The following DENND3 variants were observed in gnomAD, a reference collection of about 807,000 sequenced individuals.
DENND3 encodes DENN domain containing 3, also known as DENN domain-containing protein 3.
DENND3 carries 88 observed loss-of-function variants against 135.1 expected under a neutral mutation model. The observed-to-expected ratio is 0.65, with a 90% CI of 0.55 to 0.78. The LOEUF (loss-of-function observed/expected upper bound fraction) is 0.78, where lower values mean the gene tolerates loss of function less well. DENND3 is among the 30% of genes least tolerant of loss of function. The pLI is 0.00. For missense variants in DENND3, 1,392 were observed against 1,688.4 expected, an observed-to-expected ratio of 0.82 and a Z score of 3.08; for synonymous variants, 693 against 712.3, an observed-to-expected ratio of 0.97 and a Z score of 0.43.
In DENND3 at chr8:141,136,614, G is replaced by C; in HGVS notation, c.208G>C (p.Gly70Arg). ...CAGTAAAGAGGACAGTCAAATGGCCGGTGCCAACTGCGGCACTCTCGGTAA... is the reference window on the plus strand; with the variant it reads ...CAGTAAAGAGGACAGTCAAATGGCCCGTGCCAACTGCGGCACTCTCGGTAA... ...FISKEDSQMA[G>R]ANCGTLGKTR... Residue 70 changes from glycine (G) to arginine (R), a missense_variant, in exon 2 of 23, where the codon GGT becomes CGT. Transcript: ENST00000519811. 4 of 1,605,890 alleles carry C rather than the reference G, an allele frequency of 2.5e-6. No homozygotes were observed. Among genetic ancestry groups the C allele is most frequent in the Non-Finnish European group, 3.4e-6 (4 of 1,176,548 alleles).
intron 1 of DENND3, among the ~76,000 whole-genome samples, chr8:141,135,394 C>T (rs1816678689): frequency 6.6e-6 from 1 of 151,252 alleles, no homozygotes; most frequent in Non-Finnish European, 1.5e-5. Flanking sequence ...TCAAGCAGTC[C>T]TCCCGCTTTG....
chr8:141,162,758 A>G (rs1387327001), intron 9 of DENND3, among the ~76,000 whole-genome samples: 16 of 152,218 alleles, frequency 1.1e-4, no homozygotes, highest in Admixed American at 1.0e-3. Flanking sequence ...TACTAAAAAT[A>G]TAAAAATTAG....
intron 1 of DENND3, among the ~76,000 whole-genome samples, chr8:141,131,183 C>G (rs2154612626): frequency 6.6e-6 from 1 of 152,162 alleles, no homozygotes; most frequent in East Asian, 1.9e-4. Context: ...GTGACCGAGA[C>G]TTTGAGAATG....
In DENND3 at chr8:141,168,290, G is replaced by A. The variant is rs1821063335; in HGVS notation, c.2040G>A (p.Val680=). The A allele has an allele frequency of 6.2e-7, 1 of 1,614,024 alleles. No individual in the cohort carries two copies. Among genetic ancestry groups the A allele is most frequent in the African/African-American group, 1.3e-5 (1 of 74,924 alleles). ...CCACTGATTTGGTGAAGAGGACGGT[G>A]GAATCCATGTCTGCCCCTGAGTGGG... ...IFPTDLVKRT[V]ESMSAPEWEG... Residue 680 remains valine, a synonymous_variant, in exon 13 of 23, where the codon GTG becomes GTA. Coordinates refer to ENST00000519811, the MANE Select transcript of DENND3 (RefSeq NM_001352890.3). The surrounding 1 kb of genome is among the most constrained non-coding windows in gnomAD (Gnocchi z 6.2).
rs534959692 is a variant in DENND3, at chr8:141,151,930, G to A, written c.1074+93G>A. The A allele has an allele frequency of 2.9e-4, 421 of 1,469,006 alleles. No homozygotes were observed. In the African/African-American group the frequency reaches 4.8e-3, roughly 17 times the overall value. The allele number at this position is 1,469,006 out of a possible 1,614,324, so 91.0% of individuals were successfully genotyped here. A position where few individuals can be genotyped will look rare whatever the true frequency, so the allele number is the denominator to read the frequency against. On this transcript the variant is annotated intron_variant, in intron 7 of 22. Transcript: ENST00000519811. ...GATGCGTCTGAAAGTGCTCCGCGGT[G>A]AAGGCGGGGTCTGTGTGCCGCAGAG... is the stretch of plus-strand genomic sequence containing the variant.
At chr8:141,145,839 A>T (rs1490020022) in intron 5 of DENND3, among the ~76,000 whole-genome samples, 710 of 29,578 alleles carry the variant, frequency 0.024, 46 homozygotes, top group African/African-American at 0.23. Flanking sequence ...ATATATATAT[A>T]TATATATATA....
chr8:141,172,562 C>A (rs1006756833), intron 13 of DENND3, among the ~76,000 whole-genome samples: 3 of 152,232 alleles, frequency 2.0e-5, no homozygotes, highest in Non-Finnish European at 2.9e-5. Flanking sequence ...AAGATTTGCC[C>A]TGAGCGGCGC....
rs925156756 is a variant in DENND3, at chr8:141,192,805, T to C, written c.3636+142T>C. 1.9e-6 allele frequency: 3 copies of C among 1,576,820 alleles called. No homozygotes were observed. The African/African-American group carries it at 4.0e-5, about 21-fold the overall frequency. ...CAGGGTTCCCCTCCTAACAGGCACG[T>C]GCAGGGTTGGTGCCAACGGGCCCAC... On this transcript the variant is annotated intron_variant, in intron 22 of 22. Coordinates refer to ENST00000519811, the MANE Select transcript of DENND3 (RefSeq NM_001352890.3).
Position 141,166,271 on chromosome 8 carries a change from C to G in DENND3, c.1635C>G (p.Thr545=). The G allele has an allele frequency of 6.2e-7, 1 of 1,614,108 alleles. No homozygotes were observed. Among genetic ancestry groups the G allele is most frequent in the Middle Eastern group, 1.6e-4 (1 of 6,062 alleles). Residue 545 remains threonine (T), a synonymous_variant, in exon 12 of 23, where the codon ACC becomes ACG. Coordinates refer to ENST00000519811, the MANE Select transcript of DENND3 (RefSeq NM_001352890.3). This position sits in a 1 kb window ranked among gnomAD's most constrained non-coding sequence, Gnocchi z 4.3. ...GGAAGTCCTCGCACCTGCATGTCACCCACAGGCGCATGGTGGTCAGCATGC... is the reference window on the plus strand; with the variant it reads ...GGAAGTCCTCGCACCTGCATGTCACGCACAGGCGCATGGTGGTCAGCATGC... The part of the protein sequence containing the change: ...ASRKSSHLHV[T]HRRMVVSMPN...
chr8:141,147,427 A>G (rs1459305640), intron 5 of DENND3, among the ~76,000 whole-genome samples: 3 of 152,008 alleles, frequency 2.0e-5, no homozygotes, highest in African/African-American at 7.3e-5. Flanking sequence ...GCTCTGTTTT[A>G]TGCCACTCCC....
Position 141,166,318 on chromosome 8 carries a change from T to C in DENND3, c.1682T>C (p.Met561Thr). 1 of 1,613,928 alleles carries C rather than the reference T, an allele frequency of 6.2e-7. No homozygotes were observed. Among genetic ancestry groups the C allele is most frequent in the Non-Finnish European group, 8.5e-7 (1 of 1,180,044 alleles). The change falls in exon 12 of 23, where the codon ATG becomes ACG. Residue 561 changes from methionine (M) to threonine (T), a missense_variant. Transcript: ENST00000519811. This position sits in a 1 kb window ranked among gnomAD's most constrained non-coding sequence, Gnocchi z 4.3. ...VSMPNLQDIA[M>T]PELAPRNSSL... is the part of the protein sequence containing the mutation. Reference sequence around the variant, plus strand: ...ATGCCCAACCTGCAGGACATTGCCATGCCTGAGCTGGCACCCAGGAACTCC... The same window carrying C: ...ATGCCCAACCTGCAGGACATTGCCACGCCTGAGCTGGCACCCAGGAACTCC...
chr8:141,173,923 G>C (rs1334117839), intron 13 of DENND3, among the ~76,000 whole-genome samples: 1 of 152,194 alleles, frequency 6.6e-6, no homozygotes, highest in Non-Finnish European at 1.5e-5. Context: ...CCCATATAGA[G>C]TGGATTCTGG....
intron 4 of DENND3, chr8:141,143,018 T>G (rs1210837997): frequency 6.6e-6 from 1 of 152,540 alleles, no homozygotes; most frequent in Non-Finnish European, 1.5e-5. Context: ...ATGTGTTCAT[T>G]TTCATGCTTC....
intron 1 of DENND3, among the ~76,000 whole-genome samples, chr8:141,135,238 A>T (rs1816660526): frequency 6.7e-6 from 1 of 148,420 alleles, no homozygotes; most frequent in African/African-American, 2.5e-5. Context: ...TGCAGCCTCA[A>T]CCTCCTGGGC....
intron 16 of DENND3, 117 bp downstream of exon 16, chr8:141,178,313 CTTTTA>C (rs1822659950): frequency 7.0e-7 from 1 of 1,422,796 alleles, no homozygotes; most frequent in Non-Finnish European, 9.3e-7. Context: ...CCAGTTTTTT[CTTTTA>C]TATTTGTAAT....
chr8:141,140,884 C>CA (rs1479452051), intron 3 of DENND3, among the ~76,000 whole-genome samples: 1 of 152,240 alleles, frequency 6.6e-6, no homozygotes, highest in Non-Finnish European at 1.5e-5. Context: ...ATTTTCTCCC[C>CA]TTGTAAAGCA....
intron 8 of DENND3, chr8:141,157,296 G>A (rs570275564): frequency 6.0e-5 from 59 of 985,388 alleles, no homozygotes; most frequent in East Asian, 1.1e-4. Flanking sequence ...TGCTAATTAC[G>A]TCAGGACGGA....
intron 22 of DENND3, chr8:141,192,946 T>C: frequency 7.5e-7 from 1 of 1,341,698 alleles, no homozygotes; most frequent in African/African-American, 1.5e-5. Context: ...ACGCTGGAGG[T>C]CCAAAACCAA....
intron 22 of DENND3, chr8:141,192,987 T>C: frequency 1.9e-6 from 2 of 1,065,282 alleles, no homozygotes; most frequent in Non-Finnish European, 2.5e-6. Flanking sequence ...CCTCGGGGGC[T>C]CGGGGGGAGC....
Sources: gnomAD v4.1 joint callset for allele counts (sites outside exome capture counted in the v4.1 genomes callset) on GRCh38, gnomAD v4.1.1 for gene constraint, Gnocchi (gnomAD v3.1) non-coding constraint, MANE v1.5 for transcripts, NCBI Gene and HGNC (gene_info 2026-07-23, HGNC 2026-07-21) for gene names.